Variants in SLC9A9 observed in about 807,000 individuals in gnomAD.
SLC9A9 encodes sodium/hydrogen exchanger 9.
In SLC9A9, 62 loss-of-function variants were observed where a neutral mutation model predicts 77.8. The ratio of observed to expected loss-of-function variants is 0.80; its 90% CI spans 0.65 to 0.98. SLC9A9 has a LOEUF of 0.98. Among genes scored for constraint, SLC9A9 ranks in the 50% least tolerant of loss-of-function variants. The pLI, the probability that SLC9A9 is intolerant of heterozygous loss-of-function variation, is 0.00. For missense variants in SLC9A9, 775 were observed against 774.9 expected, an observed-to-expected ratio of 1.00 and a Z score of 0.00; for synonymous variants, 320 against 283.5, an observed-to-expected ratio of 1.13 and a Z score of -1.29.
intron 4 of SLC9A9, among the ~76,000 whole-genome samples, chr3:143,742,484 G>A (rs896110542): frequency 6.6e-6 from 1 of 152,124 alleles, no homozygotes; most frequent in Non-Finnish European, 1.5e-5. Flanking sequence ...GTCTAATCAT[G>A]AAAAAATATC....
At chr3:143,511,822 A>T (rs72991963) in intron 9 of SLC9A9, among the ~76,000 whole-genome samples, 3,087 of 152,278 alleles carry the variant, frequency 0.02, 99 homozygotes, top group African/African-American at 0.069. Context: ...TTTTATCTGC[A>T]TCTATACATA....
chr3:143,842,606 T>A (rs903613958), intron 1 of SLC9A9, among the ~76,000 whole-genome samples: 3 of 152,182 alleles, frequency 2.0e-5, no homozygotes, highest in African/African-American at 7.2e-5. Flanking sequence ...TTCCTGCAGA[T>A]CCCTTAAAAT....
rs965153308 is a variant in SLC9A9 at position 143,472,289 on chromosome 3, G to A, written c.1316-5099C>T. Among the ~76,000 whole-genome samples, 4 of 152,308 alleles carry A rather than the reference G, an allele frequency of 2.6e-5. No homozygotes were observed. In the East Asian group the frequency reaches 5.8e-4, roughly 22 times the overall value. On this transcript the variant is annotated intron_variant, in intron 11 of 15. Coordinates refer to ENST00000316549, the MANE Select transcript of SLC9A9 (RefSeq NM_173653.4). The stretch of plus-strand genomic sequence containing the variant: ...AGATGCAAAAGAGGATACTTTGAAA[G>A]TATAGTTTGATGAGGAAAAAGATTG...
intron 2 of SLC9A9, among the ~76,000 whole-genome samples, chr3:143,824,666 C>T (rs2009253880): frequency 1.3e-5 from 2 of 152,164 alleles, no homozygotes; most frequent in Admixed American, 1.3e-4. Context: ...AAACCAATGC[C>T]TGGCAAGTGG....
chr3:143,578,774 C>T, intron 6 of SLC9A9, 51 bp from the exon 7 acceptor site: 1 of 1,611,442 alleles, frequency 6.2e-7, no homozygotes, highest in Non-Finnish European at 8.5e-7. Flanking sequence ...TCTCATAGCC[C>T]AGATAGGATT....
rs79912681 is a variant in SLC9A9, at chr3:143,337,609, T to G, written c.1604+25875A>C. On this transcript the variant is annotated intron_variant, in intron 14 of 15. Coordinates refer to ENST00000316549, the MANE Select transcript of SLC9A9 (RefSeq NM_173653.4). ...CTGGGACGCTGGAGAAACATATGGC[T>G]CCCTTGGCCTTAACCGCAGGCTGCT... 9.6e-4 allele frequency among the ~76,000 whole-genome samples: 146 copies of G among 152,264 alleles called. 2 individuals carry two copies. In the East Asian group the frequency reaches 0.027, roughly 28 times the overall value.
chr3:143,542,313 G>T (rs1268571207), intron 9 of SLC9A9, among the ~76,000 whole-genome samples: 1 of 152,138 alleles, frequency 6.6e-6, no homozygotes, highest in Non-Finnish European at 1.5e-5. Flanking sequence ...ATGACGGAGA[G>T]AAGAAAAGTG....
intron 4 of SLC9A9, among the ~76,000 whole-genome samples, chr3:143,709,022 T>A (rs1420341239): frequency 6.6e-6 from 1 of 151,954 alleles, no homozygotes; most frequent in Middle Eastern, 3.2e-3. Context: ...CAGACATGAG[T>A]TATAGTAGGA....
chr3:143,663,533 C>T (rs914873537), intron 5 of SLC9A9, among the ~76,000 whole-genome samples: 3 of 152,210 alleles, frequency 2.0e-5, no homozygotes, highest in Middle Eastern at 3.4e-3. Flanking sequence ...TAAAGGTGGA[C>T]GTTTGAACCC....
Position 143,266,774 on chromosome 3 carries a change from A to T in SLC9A9, c.1866T>A (p.Tyr622Ter). 6.2e-7 allele frequency: 1 copy of T among 1,614,204 alleles called. No homozygotes were observed. Among genetic ancestry groups the T allele is most frequent in the Middle Eastern group, 1.6e-4 (1 of 6,062 alleles). Residue 622 changes from tyrosine (Y) to a stop codon, truncating the protein, a stop_gained, in exon 16 of 16, where the codon TAT (tyrosine) becomes TAA (stop). Transcript: ENST00000316549. LOFTEE classifies it high-confidence loss of function. ...SPQTPGKENI[Y>*]EGDLGLGGYE... ...AGCCTCCCAGGCCGAGGTCTCCCTC[A>T]TAAATGTTTTCCTTGCCTGGCGTCT...
chr3:143,578,450 C>A lies in SLC9A9; in HGVS notation c.894+135G>T. Reference sequence around the variant, plus strand: ...GGGGTGACTGAGAACCAAGATGGCACCAGTGGTGCCGTATGAAACTTGGAC... The same window carrying A: ...GGGGTGACTGAGAACCAAGATGGCAACAGTGGTGCCGTATGAAACTTGGAC... On this transcript the variant is annotated intron_variant, in intron 7 of 15. Coordinates refer to ENST00000316549, the MANE Select transcript of SLC9A9 (RefSeq NM_173653.4). 8.2e-6 allele frequency: 11 copies of A among 1,338,758 alleles called. 1 individual carries two copies. The South Asian group carries it at 1.4e-4, about 17-fold the overall frequency. 82.9% of individuals were successfully genotyped at this position (1,338,758 alleles called of 1,614,324 possible).
chr3:143,333,401 G>A (rs983056680), intron 14 of SLC9A9, among the ~76,000 whole-genome samples: 18 of 152,294 alleles, frequency 1.2e-4, no homozygotes, highest in African/African-American at 4.1e-4. Context: ...CAGAAAACTA[G>A]TACTAGCAAT....
chr3:143,675,118 A>C (rs1337921501), intron 5 of SLC9A9, among the ~76,000 whole-genome samples: 1 of 152,200 alleles, frequency 6.6e-6, no homozygotes, highest in Non-Finnish European at 1.5e-5. Context: ...ATAGAGCAAG[A>C]AGTAATCTTA....
At chr3:143,326,560 G>A (rs2031610651) in intron 14 of SLC9A9, among the ~76,000 whole-genome samples, 1 of 151,984 alleles carries the variant, frequency 6.6e-6, no homozygotes, top group Non-Finnish European at 1.5e-5. Context: ...TGCATGTGCT[G>A]GTCCTTCTGC....
chr3:143,573,022 TG>T (rs1220367826), intron 8 of SLC9A9, among the ~76,000 whole-genome samples: 1 of 152,204 alleles, frequency 6.6e-6, no homozygotes, highest in East Asian at 1.9e-4. Context: ...TTGAATTTCC[TG>T]GTTTTAAATC....
chr3:143,701,653 G>A (rs1220492948), intron 4 of SLC9A9, among the ~76,000 whole-genome samples: 1 of 152,106 alleles, frequency 6.6e-6, no homozygotes, highest in Non-Finnish European at 1.5e-5. Context: ...AATGAAGCAT[G>A]CCTACAGGAT....
intron 1 of SLC9A9, among the ~76,000 whole-genome samples, chr3:143,837,430 T>C (rs2009594279): frequency 6.6e-6 from 1 of 152,216 alleles, no homozygotes; most frequent in Non-Finnish European, 1.5e-5. Flanking sequence ...AGTTTTGCAG[T>C]TCTTTCACTC....
intron 4 of SLC9A9, among the ~76,000 whole-genome samples, chr3:143,744,264 C>T (rs934533527): frequency 2.6e-5 from 4 of 152,196 alleles, no homozygotes; most frequent in Non-Finnish European, 4.4e-5. Context: ...CAGACTTCCA[C>T]TTTGCTGGTG....
chr3:143,365,714 A>AGAAATTT (rs2032882697), intron 13 of SLC9A9, among the ~76,000 whole-genome samples: 1 of 152,128 alleles, frequency 6.6e-6, no homozygotes, highest in Non-Finnish European at 1.5e-5. Flanking sequence ...CCTTCCCTAT[A>AGAAATTT]CCTTTCTCAA....
Sources: gnomAD v4.1 joint callset for allele counts (sites outside exome capture counted in the v4.1 genomes callset) on GRCh38, gnomAD v4.1.1 for gene constraint, MANE v1.5 for transcripts, NCBI Gene and HGNC (gene_info 2026-07-23, HGNC 2026-07-21) for gene names.